The following SLC15A1 variants were observed in gnomAD, a reference collection of about 807,000 sequenced individuals.
SLC15A1 encodes the protein Caco-2 oligopeptide transporter.
A neutral mutation model predicts 92.9 loss-of-function variants in SLC15A1; 83 were observed. That is an observed-to-expected ratio of 0.89 (90% CI 0.75 to 1.07). The LOEUF is 1.07. SLC15A1 is among the 50% of genes least tolerant of loss of function. The pLI, the probability that SLC15A1 is intolerant of heterozygous loss-of-function variation, is 0.00. For missense variants in SLC15A1, 857 were observed against 880.1 expected (o/e 0.97, Z 0.33); for synonymous variants, 322 against 318.2 (o/e 1.01, Z -0.13).
chr13:98,710,520 A>G (rs1156819558), intron 11 of SLC15A1, among the ~76,000 whole-genome samples: 2 of 152,320 alleles, frequency 1.3e-5, no homozygotes, highest in Non-Finnish European at 2.9e-5. Flanking sequence ...GACATCATAG[A>G]AAGTCAGGAA....
chr13:98,704,439 T>C lies in SLC15A1; in HGVS notation c.1270-4A>G, dbSNP rs766000337. On this transcript the variant is annotated splice_polypyrimidine_tract_variant and splice_region_variant and intron_variant, in intron 16 of 22. Transcript: ENST00000376503. The stretch of plus-strand genomic sequence containing the variant: ...CAAAAGTCATAAATGCATTTGTCTA[T>C]AGAGGGAGGGAAAGAGGCATAGTTA... 22 of 1,610,908 alleles carry C rather than the reference T, an allele frequency of 1.4e-5. No individual in the cohort carries two copies. In the Admixed American group the frequency reaches 3.4e-4, roughly 25 times the overall value.
chr13:98,715,888 T>C lies in SLC15A1; in HGVS notation c.713A>G (p.Lys238Arg), dbSNP rs370577048. The C allele has an allele frequency of 5.6e-6, 9 of 1,614,000 alleles. No homozygotes were observed. The highest frequency in any genetic ancestry group is 1.6e-4 in the Middle Eastern group (1 of 6,084). ...AGCTGAGATACTTACACCGATGCAC[T>C]TGGCCACTTTACCCATGATGTTGCC... ...PQGNIMGKVAKCIGFAIKNRF... is the reference protein window; with the variant it reads ...PQGNIMGKVARCIGFAIKNRF... Residue 238 changes from lysine to arginine, a missense_variant, in exon 9 of 23, where the codon AAG becomes AGG. Physicochemically the swap from Lys to Arg is conservative, Grantham distance 26 (BLOSUM62 2). Coordinates refer to ENST00000376503, the MANE Select transcript of SLC15A1 (RefSeq NM_005073.4).
At chr13:98,690,091 T>C (rs1032129227) in intron 18 of SLC15A1, among the ~76,000 whole-genome samples, 4 of 152,182 alleles carry the variant, frequency 2.6e-5, no homozygotes. Context: ...TGACTTTTCC[T>C]ACCAAACACA....
intron 1 of SLC15A1, among the ~76,000 whole-genome samples, chr13:98,738,910 C>T (rs1478893034): frequency 2.6e-5 from 4 of 152,260 alleles, no homozygotes; most frequent in Non-Finnish European, 4.4e-5. Flanking sequence ...AAGCCACAGG[C>T]ACTCAACAAC....
intron 17 of SLC15A1, among the ~76,000 whole-genome samples, chr13:98,703,228 A>T (rs1332828418): frequency 2.6e-5 from 4 of 151,716 alleles, no homozygotes; most frequent in African/African-American, 7.3e-5. Context: ...AAAAGAGAAG[A>T]AAAGAGAAGA....
At chr13:98,710,746 G>A (rs770234428) in intron 11 of SLC15A1, among the ~76,000 whole-genome samples, 20 of 148,650 alleles carry the variant, frequency 1.3e-4, no homozygotes, top group Non-Finnish European at 2.4e-4. Flanking sequence ...AAGTGGAGGT[G>A]GCAGTGAGCC....
In SLC15A1 at chr13:98,683,991, A is replaced by G. The variant is rs2087908767; in HGVS notation, c.*733T>C. On this transcript the variant is annotated 3_prime_UTR_variant, in exon 23 of 23. Coordinates refer to ENST00000376503, the MANE Select transcript of SLC15A1 (RefSeq NM_005073.4). Reference sequence around the variant, plus strand: ...CTTATCACAGCCATTTCAAACCTGTACGTTCACTTTTGGCCTTGGCTCCTG... The same window carrying G: ...CTTATCACAGCCATTTCAAACCTGTGCGTTCACTTTTGGCCTTGGCTCCTG... The G allele has an allele frequency of 6.6e-6, 1 of 152,266 alleles. No homozygotes were observed. The highest frequency in any genetic ancestry group is 1.5e-5 in the Non-Finnish European group (1 of 68,062). 9.4% of individuals were successfully genotyped at this position (152,266 alleles called of 1,614,324 possible).
chr13:98,713,093 G>A (rs1408904177), intron 9 of SLC15A1, among the ~76,000 whole-genome samples: 2 of 152,158 alleles, frequency 1.3e-5, no homozygotes, highest in Non-Finnish European at 2.9e-5. Context: ...GTCTTGCTCT[G>A]TCGCCTAGGC....
Position 98,740,861 on chromosome 13 carries a change from C to T in SLC15A1, c.4+11734G>A, listed in dbSNP as rs371071600. ...TTTTCCAAAATGGATGAACTTTGAT[C>T]GAGCAATGAAAAGTGTTTTTCTTTC... On this transcript the variant is annotated intron_variant, in intron 1 of 22. Coordinates refer to ENST00000376503, the MANE Select transcript of SLC15A1 (RefSeq NM_005073.4). Among the ~76,000 whole-genome samples, 4 of 152,228 alleles carry T rather than the reference C, an allele frequency of 2.6e-5. No homozygotes were observed. In the East Asian group the frequency reaches 5.8e-4, roughly 22 times the overall value.
intron 15 of SLC15A1, among the ~76,000 whole-genome samples, 172 bp from the exon 16 acceptor site, chr13:98,706,425 T>C (rs1253011219): frequency 3.9e-5 from 6 of 152,224 alleles, no homozygotes; most frequent in African/African-American, 1.2e-4. Context: ...CCCACAGAAA[T>C]GACTTTTGCA....
Position 98,721,590 on chromosome 13 carries a change from A to G in SLC15A1, c.466-5T>C. The stretch of plus-strand genomic sequence containing the variant: ...AAATCTGTTTCTTTGTTTCTCCTGC[A>G]ATGAAAAGGAGAAAGTAAGATGACT... On this transcript the variant is annotated splice_region_variant and splice_polypyrimidine_tract_variant and intron_variant, in intron 6 of 22. Transcript: ENST00000376503. 2 of 1,584,366 alleles carry G rather than the reference A, an allele frequency of 1.3e-6. No homozygotes were observed. Among genetic ancestry groups the G allele is most frequent in the Non-Finnish European group, 8.6e-7 (1 of 1,158,960 alleles).
chr13:98,686,093 TGACCACACA>T, intron 22 of SLC15A1, 88 bp downstream of exon 22: 4 of 875,490 alleles, frequency 4.6e-6, no homozygotes, highest in Non-Finnish European at 7.5e-6. Flanking sequence ...TTAGCCTAGA[TGACCACACA>T]GAGCACACAG....
At chr13:98,701,796 G>A (rs985753187) in intron 18 of SLC15A1, among the ~76,000 whole-genome samples, 1 of 150,282 alleles carries the variant, frequency 6.7e-6, no homozygotes, top group African/African-American at 2.4e-5. Flanking sequence ...TCAGCCTCCC[G>A]AGTAGCTGGG....
intron 1 of SLC15A1, among the ~76,000 whole-genome samples, chr13:98,730,424 C>A (rs1252006428): frequency 6.6e-6 from 1 of 152,208 alleles, no homozygotes; most frequent in Non-Finnish European, 1.5e-5. Flanking sequence ...TTCCTCCGCA[C>A]GAATAACCTG....
intron 18 of SLC15A1, among the ~76,000 whole-genome samples, chr13:98,695,353 C>T (rs2088013626): frequency 6.6e-6 from 1 of 152,034 alleles, no homozygotes; most frequent in East Asian, 1.9e-4. Flanking sequence ...TTCCGAGTAG[C>T]TAGGACCACA....
intron 1 of SLC15A1, among the ~76,000 whole-genome samples, chr13:98,730,611 C>T (rs530971999): frequency 1.7e-3 from 264 of 152,358 alleles, no homozygotes; most frequent in African/African-American, 6.1e-3. Context: ...ATGACCTCCG[C>T]CCTGCGGGGT....
chr13:98,734,511 CA>C (rs963406407), intron 1 of SLC15A1, among the ~76,000 whole-genome samples: 1 of 152,176 alleles, frequency 6.6e-6, no homozygotes, highest in East Asian at 1.9e-4. Context: ...GGGGTCGGGT[CA>C]GGGGATTTCC....
At chr13:98,689,097 A>G (rs1164722713) in intron 18 of SLC15A1, among the ~76,000 whole-genome samples, 2 of 151,928 alleles carry the variant, frequency 1.3e-5, no homozygotes, top group Non-Finnish European at 2.9e-5. Flanking sequence ...GCACCACCAC[A>G]CCCGGCTCAT....
Position 98,709,866 on chromosome 13 carries a change from C to T in SLC15A1, c.945+1G>A, listed in dbSNP as rs906718093. On this transcript the variant is annotated splice_donor_variant, in intron 12 of 22. Transcript: ENST00000376503. LOFTEE classifies it high-confidence loss of function. ...AACTAAAACAAAGGAGTCAAACTTA[C>T]GATTTTCCCGGACATAGTTGTTGCC... is the stretch of plus-strand genomic sequence containing the variant. 9.3e-6 allele frequency: 15 copies of T among 1,614,060 alleles called. No homozygotes were observed. The highest frequency in any genetic ancestry group is 1.6e-4 in the Middle Eastern group (1 of 6,084).
Sources: allele counts gnomAD v4.1 joint callset (sites outside exome capture counted in the v4.1 genomes callset), GRCh38; gene constraint gnomAD v4.1.1; transcripts MANE v1.5; gene names NCBI Gene and HGNC (gene_info 2026-07-23, HGNC 2026-07-21).